The following GRXCR2 variants were observed in gnomAD, a reference collection of about 807,000 sequenced individuals.
GRXCR2 encodes glutaredoxin and cysteine rich domain containing 2.
GRXCR2 carries 23 observed loss-of-function variants against 24.8 expected under a neutral mutation model. The observed-to-expected ratio is 0.93, with a 90% CI of 0.67 to 1.32. The LOEUF is 1.32. Among genes scored for constraint, GRXCR2 ranks in the 40% most tolerant of loss-of-function variants. The pLI is 0.00. For missense variants in GRXCR2, 315 were observed against 303.4 expected, an observed-to-expected ratio of 1.04 and a Z score of -0.28; for synonymous variants, 130 against 116.1, an observed-to-expected ratio of 1.12 and a Z score of -0.77.
rs148277958 is a variant in GRXCR2 at position 145,879,809 on chromosome 5, C to A, written c.-69-13081G>T. On this transcript the variant is annotated intron_variant, in intron 2 of 3. Transcript: ENST00000639411. ...TTGACCACATAACTAAAGCACTCCT[C>A]AGCAAACATAAAAGAACAGAAATCA... 4.0e-3 allele frequency among the ~76,000 whole-genome samples: 609 copies of A among 152,226 alleles called. 4 individuals are homozygous for A. The highest frequency in any genetic ancestry group is 5.1e-3 in the Non-Finnish European group (350 of 68,010).
chr5:145,892,524 AG>A (rs1756883290), intron 2 of GRXCR2, among the ~76,000 whole-genome samples: 1 of 152,226 alleles, frequency 6.6e-6, no homozygotes, highest in Non-Finnish European at 1.5e-5. Flanking sequence ...ACTGGAAGAA[AG>A]GGTATCAGTG....
At chr5:145,906,126 A>G (rs2149923969) in intron 2 of GRXCR2, among the ~76,000 whole-genome samples, 1 of 152,248 alleles carries the variant, frequency 6.6e-6, no homozygotes, top group Non-Finnish European at 1.5e-5. Flanking sequence ...GCACCTATGT[A>G]TGTTTCTCCC....
chr5:145,917,215 G>A (rs1757254242), intron 2 of GRXCR2, among the ~76,000 whole-genome samples: 2 of 151,476 alleles, frequency 1.3e-5, no homozygotes, highest in African/African-American at 4.9e-5. Flanking sequence ...AGATTAATTT[G>A]CAAGTCTTCT....
chr5:145,894,086 G>T (rs1446827461), intron 2 of GRXCR2, among the ~76,000 whole-genome samples: 1 of 151,970 alleles, frequency 6.6e-6, no homozygotes, highest in Non-Finnish European at 1.5e-5. Flanking sequence ...TGAAACCAAC[G>T]AGAACAAAGA....
intron 2 of GRXCR2, among the ~76,000 whole-genome samples, chr5:145,928,060 AAAAC>A (rs1190526517): frequency 1.3e-5 from 2 of 152,064 alleles, no homozygotes; most frequent in Non-Finnish European, 2.9e-5. Context: ...TTACAAGAAA[AAAAC>A]AAACAACCCC....
At chr5:145,865,964 C>A (rs1230851407) in intron 2 of GRXCR2, among the ~76,000 whole-genome samples, 1 of 143,082 alleles carries the variant, frequency 7.0e-6, no homozygotes, top group Non-Finnish European at 1.5e-5. Flanking sequence ...ATGGTGAAAC[C>A]CCATCTCTAT....
chr5:145,877,573 A>T (rs1024108962), upstream of GRXCR2, among the ~76,000 whole-genome samples: 7 of 152,282 alleles, frequency 4.6e-5, no homozygotes, highest in African/African-American at 1.7e-4. Context: ...TATATTATAA[A>T]ACTGTATAGA....
chr5:145,865,811 C>A (rs1415294710), intron 2 of GRXCR2, among the ~76,000 whole-genome samples: 1 of 151,992 alleles, frequency 6.6e-6, no homozygotes, highest in Non-Finnish European at 1.5e-5. Context: ...AAGGATAACA[C>A]CAATAATAGA....
intron 2 of GRXCR2, among the ~76,000 whole-genome samples, chr5:145,901,934 G>A (rs749727311): frequency 2.0e-5 from 3 of 152,138 alleles, no homozygotes; most frequent in Non-Finnish European, 4.4e-5. Flanking sequence ...TGAGAAGTAG[G>A]CAGATTCCAA....
intron 2 of GRXCR2, among the ~76,000 whole-genome samples, chr5:145,931,057 G>A (rs967402324): frequency 1.3e-5 from 2 of 151,830 alleles, no homozygotes; most frequent in African/African-American, 4.8e-5. Context: ...TTTTAGACAG[G>A]GTCTCACTTT....
intron 2 of GRXCR2, among the ~76,000 whole-genome samples, chr5:145,914,375 T>A (rs57013388): frequency 0.036 from 5,395 of 151,362 alleles, 197 homozygotes; most frequent in African/African-American, 0.082. Context: ...TAAGAAGATT[T>A]AAAAAAAATA....
At chr5:145,916,246 A>T (rs750032132) in intron 2 of GRXCR2, among the ~76,000 whole-genome samples, 1 of 152,204 alleles carries the variant, frequency 6.6e-6, no homozygotes, top group Non-Finnish European at 1.5e-5. Flanking sequence ...AGCAATAAAG[A>T]TGATAAGAAT....
chr5:145,922,086 G>C (rs1340490690), intron 2 of GRXCR2, among the ~76,000 whole-genome samples: 1 of 152,090 alleles, frequency 6.6e-6, no homozygotes, highest in Non-Finnish European at 1.5e-5. Flanking sequence ...GTTGCTTTTT[G>C]GATGGAGCCC....
chr5:145,892,353 C>T (rs534694436), intron 2 of GRXCR2, among the ~76,000 whole-genome samples: 34 of 152,038 alleles, frequency 2.2e-4, no homozygotes, highest in Non-Finnish European at 3.8e-4. Context: ...GAAGGAAGTT[C>T]GAACCCATGG....
intron 1 of GRXCR2, among the ~76,000 whole-genome samples, chr5:145,871,671 C>T (rs1756533919): frequency 6.6e-6 from 1 of 152,098 alleles, no homozygotes; most frequent in African/African-American, 2.4e-5. Context: ...CATAATTATA[C>T]TTTTACCAAT....
chr5:145,862,197 A>C (rs1756349652), intron 2 of GRXCR2, among the ~76,000 whole-genome samples: 1 of 152,242 alleles, frequency 6.6e-6, no homozygotes, highest in Non-Finnish European at 1.5e-5. Context: ...TCCTAACATA[A>C]TGCTATACAT....
chr5:145,874,296 T>C (rs1473953075), upstream of GRXCR2, among the ~76,000 whole-genome samples: 3 of 151,842 alleles, frequency 2.0e-5, no homozygotes, highest in Non-Finnish European at 4.4e-5. Flanking sequence ...CTCCACCTCC[T>C]GAGTTCGAGC....
chr5:145,915,904 G>A (rs1042942743), intron 2 of GRXCR2, among the ~76,000 whole-genome samples: 1 of 152,144 alleles, frequency 6.6e-6, no homozygotes, highest in African/African-American at 2.4e-5. Flanking sequence ...CTTTCAGCAC[G>A]GGCCTGGAAC....
At chr5:145,919,565 G>C (rs1239327890) in intron 2 of GRXCR2, among the ~76,000 whole-genome samples, 2 of 152,150 alleles carry the variant, frequency 1.3e-5, no homozygotes, top group Admixed American at 6.5e-5. Flanking sequence ...CGAATCAATT[G>C]CTCGGAGAAA....
Sources: allele counts gnomAD v4.1 joint callset (sites outside exome capture counted in the v4.1 genomes callset), GRCh38; gene constraint gnomAD v4.1.1; transcripts MANE v1.5; gene names NCBI Gene and HGNC (gene_info 2026-07-23, HGNC 2026-07-21).